The following AHCYL2 variants were observed in gnomAD, a reference collection of about 807,000 sequenced individuals.
AHCYL2 encodes adenosylhomocysteinase like 2.
AHCYL2 carries 28 observed loss-of-function variants against 81.4 expected under a neutral mutation model. The observed-to-expected ratio is 0.34, with a 90% CI of 0.25 to 0.47. The LOEUF (loss-of-function observed/expected upper bound fraction) is 0.47. Among genes scored for constraint, AHCYL2 ranks in the 20% least tolerant of loss-of-function variants. AHCYL2 has a pLI of 1.00. For synonymous variants in AHCYL2, 272 were observed against 290.2 expected (o/e 0.94, Z 0.64); for missense variants, 551 against 785.1 (o/e 0.70, Z 3.56).
intron 13 of AHCYL2, among the ~76,000 whole-genome samples, chr7:129,424,147 G>A (rs1383884884): frequency 1.3e-5 from 2 of 151,262 alleles, no homozygotes; most frequent in Non-Finnish European, 2.9e-5. Flanking sequence ...GGCTGACAAT[G>A]CTGTCTTTGA....
At chr7:129,378,612 A>C (rs1262494861) in intron 1 of AHCYL2, among the ~76,000 whole-genome samples, 1 of 152,258 alleles carries the variant, frequency 6.6e-6, no homozygotes, top group Non-Finnish European at 1.5e-5. Context: ...GCCAGAATTT[A>C]AATGCAATTT....
chr7:129,370,622 C>G (rs36113794), intron 1 of AHCYL2, among the ~76,000 whole-genome samples: 3,212 of 152,250 alleles, frequency 0.021, 62 homozygotes, highest in Admixed American at 0.056. Flanking sequence ...AGCATGAACC[C>G]GGGAGGCAGA....
At chr7:129,398,280 G>A (rs1795839675) in intron 5 of AHCYL2, among the ~76,000 whole-genome samples, 1 of 151,292 alleles carries the variant, frequency 6.6e-6, no homozygotes, top group African/African-American at 2.4e-5. Context: ...CAAAGTGCTG[G>A]GATTACAGGT....
intron 1 of AHCYL2, among the ~76,000 whole-genome samples, chr7:129,346,755 A>G (rs940085580): frequency 2.6e-5 from 4 of 152,208 alleles, no homozygotes; most frequent in African/African-American, 9.6e-5. Flanking sequence ...TATTCTTACC[A>G]TACAATCCAG....
chr7:129,320,947 A>G (rs1797993114), intron 1 of AHCYL2, among the ~76,000 whole-genome samples: 1 of 152,214 alleles, frequency 6.6e-6, no homozygotes, highest in African/African-American at 2.4e-5. Flanking sequence ...TTGCCAAGTA[A>G]TGTTACATTG....
Position 129,225,416 on chromosome 7 carries a change from G to T in AHCYL2, c.340G>T (p.Glu114Ter). The change falls in exon 1 of 17, where the codon GAG becomes TAG. Residue 114 changes from glutamate (E) to a stop codon, truncating the protein, a stop_gained. Transcript: ENST00000325006. LOFTEE classifies it high-confidence loss of function. Reference protein sequence around the residue: ...ALVSPDGTVTEAPRTVKKQIQ... With the variant: ...ALVSPDGTVT ...GGTCAGCCCCGACGGCACCGTCACCGAGGCGCCGCGCACAGTCAAGAAGGT... is the reference window on the plus strand; with the variant it reads ...GGTCAGCCCCGACGGCACCGTCACCTAGGCGCCGCGCACAGTCAAGAAGGT... The T allele has an allele frequency of 6.6e-7, 1 of 1,515,650 alleles. No homozygotes were observed. Among genetic ancestry groups the T allele is most frequent in the East Asian group, 2.7e-5 (1 of 37,484 alleles). The allele number at this position is 1,515,650 out of a possible 1,614,324, so 93.9% of individuals were successfully genotyped here.
chr7:129,271,708 T>G (rs965161225), intron 1 of AHCYL2, among the ~76,000 whole-genome samples: 3 of 152,256 alleles, frequency 2.0e-5, no homozygotes, highest in Admixed American at 2.0e-4. Context: ...ATAATTTGTA[T>G]ACTTCCTCCA....
At chr7:129,381,966 TC>T (rs1794977233) in intron 2 of AHCYL2, among the ~76,000 whole-genome samples, 1 of 152,228 alleles carries the variant, frequency 6.6e-6, no homozygotes, top group African/African-American at 2.4e-5. Flanking sequence ...TCTTTCTTTT[TC>T]TTTTCCCCTT....
chr7:129,403,237 C>A, intron 6 of AHCYL2, 142 bp from the exon 7 acceptor site: 1 of 491,482 alleles, frequency 2.0e-6, no homozygotes, highest in Non-Finnish European at 3.7e-6. Flanking sequence ...TTTACTCTGG[C>A]TTTAAGTTAC....
At chr7:129,334,617 C>T (rs530374201) in intron 1 of AHCYL2, among the ~76,000 whole-genome samples, 1 of 152,270 alleles carries the variant, frequency 6.6e-6, no homozygotes, top group East Asian at 1.9e-4. Context: ...TAACAAAGTA[C>T]ACTTGGTAAC....
chr7:129,365,291 A>G (rs1056545526), intron 1 of AHCYL2, among the ~76,000 whole-genome samples: 3 of 152,196 alleles, frequency 2.0e-5, no homozygotes, highest in African/African-American at 7.2e-5. Flanking sequence ...TGAAGGCAGA[A>G]ACGAATGCAT....
chr7:129,360,733 A>AT (rs1793905796), intron 1 of AHCYL2, among the ~76,000 whole-genome samples: 1 of 152,142 alleles, frequency 6.6e-6, no homozygotes, highest in South Asian at 2.1e-4. Context: ...GTGTGCATGC[A>AT]TATGCCTATG....
At position 129,392,847 on chromosome 7, in the gene AHCYL2, C is replaced by T. The variant is rs1414055569; in HGVS notation, c.720+3113C>T. On this transcript the variant is annotated intron_variant, in intron 4 of 16. Transcript: ENST00000325006. ...AATCTTCATTAGTACAGAACAGTTTCTCAGTCTTTCTTTGATTTTCATGAC... is the reference window on the plus strand; with the variant it reads ...AATCTTCATTAGTACAGAACAGTTTTTCAGTCTTTCTTTGATTTTCATGAC... 3.9e-5 allele frequency among the ~76,000 whole-genome samples: 6 copies of T among 152,294 alleles called. No individual in the cohort carries two copies. The East Asian group carries it at 1.2e-3, about 29-fold the overall frequency.
chr7:129,402,823 G>A (rs1796098883), intron 6 of AHCYL2, among the ~76,000 whole-genome samples: 1 of 152,178 alleles, frequency 6.6e-6, no homozygotes, highest in South Asian at 2.1e-4. Flanking sequence ...CTGATATTTT[G>A]GGTGGGAGAG....
intron 1 of AHCYL2, among the ~76,000 whole-genome samples, chr7:129,284,599 CAAAAAAAAAAA>C (rs1232402820): frequency 1.9e-5 from 1 of 53,346 alleles, no homozygotes; most frequent in Non-Finnish European, 4.0e-5. Context: ...GACTTCGTCT[CAAAAAAAAAAA>C]AAAAAAAAAG....
intron 1 of AHCYL2, among the ~76,000 whole-genome samples, chr7:129,275,724 T>C (rs915006457): frequency 1.3e-5 from 2 of 152,046 alleles, no homozygotes; most frequent in South Asian, 4.1e-4. Flanking sequence ...GAATACAAAA[T>C]ATGTAGATAG....
At chr7:129,361,094 A>T (rs1234000530) in intron 1 of AHCYL2, among the ~76,000 whole-genome samples, 2 of 152,146 alleles carry the variant, frequency 1.3e-5, no homozygotes, top group East Asian at 3.8e-4. Context: ...TTTTATTTTA[A>T]CAAGATCTTC....
At position 129,427,241 on chromosome 7, in the gene AHCYL2, C is replaced by T; in HGVS notation, c.*196C>T. The T allele has an allele frequency of 1.8e-6, 1 of 553,054 alleles. No individual in the cohort carries two copies. Among genetic ancestry groups the T allele is most frequent in the Non-Finnish European group, 3.1e-6 (1 of 321,594 alleles). 34.3% of individuals were successfully genotyped at this position (553,054 alleles called of 1,614,324 possible). On this transcript the variant is annotated 3_prime_UTR_variant, in exon 17 of 17. Coordinates refer to ENST00000325006, the MANE Select transcript of AHCYL2 (RefSeq NM_015328.4). This position sits in a 1 kb window ranked among gnomAD's most constrained non-coding sequence, Gnocchi z 5.5. ...GTTGGCCCAGAGTGTGGTTACTGCC[C>T]TGAGGGCCATGAAAGCCACAGAGGA...
intron 1 of AHCYL2, among the ~76,000 whole-genome samples, chr7:129,371,871 C>T (rs965934096): frequency 2.0e-5 from 3 of 152,124 alleles, no homozygotes; most frequent in African/African-American, 7.2e-5. Context: ...TAGTTCAAGC[C>T]GCTCATTTGG....
Sources: allele counts gnomAD v4.1 joint callset (sites outside exome capture counted in the v4.1 genomes callset), GRCh38; gene constraint gnomAD v4.1.1; non-coding constraint Gnocchi (gnomAD v3.1); transcripts MANE v1.5; gene names NCBI Gene and HGNC (gene_info 2026-07-23, HGNC 2026-07-21).